The following FRAS1 variants were observed in gnomAD, a reference collection of about 807,000 sequenced individuals.
The protein encoded by FRAS1 is extracellular matrix organizing protein FRAS1.
In FRAS1, 290 loss-of-function variants were observed where a neutral mutation model predicts 435.2. That is an observed-to-expected ratio of 0.67 (90% CI 0.61 to 0.73). The LOEUF (loss-of-function observed/expected upper bound fraction) is 0.73. FRAS1 is among the 30% of genes least tolerant of loss of function. The probability of loss-of-function intolerance (pLI) is 0.00; values close to 1 mark genes in which losing one functional copy is unlikely to be tolerated. For synonymous variants in FRAS1, 1,800 were observed against 1,851.0 expected, an observed-to-expected ratio of 0.97 and a Z score of 0.71; for missense variants, 4,860 against 5,001.5, an observed-to-expected ratio of 0.97 and a Z score of 0.85.
At chr4:78,194,567 C>T (rs1340586397) in intron 2 of FRAS1, among the ~76,000 whole-genome samples, 5 of 152,210 alleles carry the variant, frequency 3.3e-5, no homozygotes, top group East Asian at 1.9e-4. Context: ...ATCGAATTGG[C>T]GACTGAGGCT....
In FRAS1 at chr4:78,363,942, A is replaced by T. The variant is rs1170801431; in HGVS notation, c.2610A>T (p.Arg870Ser). 1 of 1,613,422 alleles carries T rather than the reference A, an allele frequency of 6.2e-7. No individual in the cohort carries two copies. Among genetic ancestry groups the T allele is most frequent in the Non-Finnish European group, 8.5e-7 (1 of 1,179,722 alleles). Reference protein sequence around the residue: ...CHSSCRTCQGRGPFSCSSCDT... With the variant: ...CHSSCRTCQGSGPFSCSSCDT... ...CCTCCTGCAGAACCTGCCAGGGCAG[A>T]GGACCTTTCTCCTGCTCCTCATGTG... is the stretch of plus-strand genomic sequence containing the variant. The change falls in exon 22 of 74, where the codon AGA becomes AGT. Residue 870 changes from arginine to serine, a missense_variant. Arg to Ser is a moderately radical substitution (Grantham distance 110). Transcript: ENST00000512123.
intron 2 of FRAS1, among the ~76,000 whole-genome samples, chr4:78,163,987 G>A (rs1721241605): frequency 6.6e-6 from 1 of 152,124 alleles, no homozygotes; most frequent in South Asian, 2.1e-4. Context: ...CCACCCACTG[G>A]CCCTGATAGT....
intron 14 of FRAS1, among the ~76,000 whole-genome samples, chr4:78,304,304 G>A (rs1728584894): frequency 6.6e-6 from 1 of 152,146 alleles, no homozygotes; most frequent in Admixed American, 6.5e-5. Context: ...CAAGGATATT[G>A]GTCTAAAATT....
At chr4:78,121,743 G>T (rs1719036128) in intron 2 of FRAS1, among the ~76,000 whole-genome samples, 1 of 152,142 alleles carries the variant, frequency 6.6e-6, no homozygotes, top group African/African-American at 2.4e-5. Flanking sequence ...CAGCTATGTT[G>T]TACCTATTTA....
At chr4:78,132,160 C>A (rs777417020) in intron 2 of FRAS1, among the ~76,000 whole-genome samples, 21 of 152,042 alleles carry the variant, frequency 1.4e-4, no homozygotes, top group Admixed American at 1.1e-3. Context: ...TTGCCAGGAA[C>A]CTGGTTCTTG....
In FRAS1 at chr4:78,306,213, A is replaced by G. The variant is rs1239709109; in HGVS notation, c.1535-1853A>G. ...GCCCCCACTCTCTTCTGGCTTGTAG[A>G]GTTTCGGCCAAGAGATCCGCTGTTA... On this transcript the variant is annotated intron_variant, in intron 14 of 73. Coordinates refer to ENST00000512123, the MANE Select transcript of FRAS1 (RefSeq NM_025074.7). 2.0e-5 allele frequency among the ~76,000 whole-genome samples: 3 copies of G among 151,816 alleles called. No homozygotes were observed. The East Asian group carries it at 5.8e-4, about 29-fold the overall frequency.
rs758242408 is a variant in FRAS1 at position 78,424,428 on chromosome 4, T to C, written c.4711+8T>C. 1.4e-6 allele frequency: 2 copies of C among 1,402,176 alleles called. No individual in the cohort carries two copies. Among genetic ancestry groups the C allele is most frequent in the Non-Finnish European group, 1.9e-6 (2 of 1,057,862 alleles). 86.9% of individuals were successfully genotyped at this position (1,402,176 alleles called of 1,614,324 possible). On this transcript the variant is annotated splice_region_variant and intron_variant, in intron 35 of 73. Coordinates refer to ENST00000512123, the MANE Select transcript of FRAS1 (RefSeq NM_025074.7). Reference sequence around the variant, plus strand: ...TGAAATTCCACTTCACAGGTAAAGATTCATCTAAATTTTACTAGAAAGTGA... The same window carrying C: ...TGAAATTCCACTTCACAGGTAAAGACTCATCTAAATTTTACTAGAAAGTGA...
intron 44 of FRAS1, among the ~76,000 whole-genome samples, chr4:78,448,902 A>G (rs78088605): frequency 0.026 from 3,938 of 152,262 alleles, 170 homozygotes; most frequent in African/African-American, 0.09. Flanking sequence ...CTTAATTAAG[A>G]AGTGGACCTT....
rs573917284 is a variant in FRAS1, at chr4:78,251,105, T to A, written c.310-1287T>A. 3.5e-4 allele frequency among the ~76,000 whole-genome samples: 53 copies of A among 152,366 alleles called. No individual in the cohort carries two copies. In the South Asian group the frequency reaches 9.9e-3, roughly 29 times the overall value. The stretch of plus-strand genomic sequence containing the variant: ...AAATCCTATCAATTTTCTTTTAAGT[T>A]CTTTCTTTGCTTTCATGTGTAGGCC... On this transcript the variant is annotated intron_variant, in intron 4 of 73. Transcript: ENST00000512123.
intron 15 of FRAS1, among the ~76,000 whole-genome samples, chr4:78,309,356 C>T (rs998591220): frequency 1.3e-5 from 2 of 152,176 alleles, no homozygotes; most frequent in Non-Finnish European, 2.9e-5. Flanking sequence ...AATGAATACA[C>T]CCCCAACTCA....
chr4:78,300,319 A>G (rs1267346926), intron 14 of FRAS1, among the ~76,000 whole-genome samples: 3 of 152,212 alleles, frequency 2.0e-5, no homozygotes, highest in African/African-American at 7.2e-5. Flanking sequence ...CTCATGTTCT[A>G]CATTTATAAA....
intron 14 of FRAS1, among the ~76,000 whole-genome samples, chr4:78,288,351 C>T (rs1727715892): frequency 6.6e-6 from 1 of 152,172 alleles, no homozygotes; most frequent in African/African-American, 2.4e-5. Flanking sequence ...CTAATTTCCC[C>T]TAGGTTTTAC....
intron 2 of FRAS1, among the ~76,000 whole-genome samples, chr4:78,152,410 A>G (rs750650889): frequency 4.6e-5 from 7 of 152,110 alleles, no homozygotes; most frequent in Non-Finnish European, 7.4e-5. Flanking sequence ...GTTTAGGGCC[A>G]CTGTCTGCTT....
intron 53 of FRAS1, among the ~76,000 whole-genome samples, chr4:78,473,851 T>C (rs1387509629): frequency 6.6e-6 from 1 of 152,162 alleles, no homozygotes; most frequent in Non-Finnish European, 1.5e-5. Context: ...GTCTCCACAG[T>C]GGCAAAGTAA....
Position 78,371,083 on chromosome 4 carries a change from G to GT in FRAS1, c.2869+1106dup, listed in dbSNP as rs1242709942. On this transcript the variant is annotated intron_variant, in intron 23 of 73. Coordinates refer to ENST00000512123, the MANE Select transcript of FRAS1 (RefSeq NM_025074.7). ...CTCGAGACCACAGAATTTTTTTTCTGTTTTTTTGTTTTTTTTTTTTTTTGC... is the reference window on the plus strand; with the variant it reads ...CTCGAGACCACAGAATTTTTTTTCTGTTTTTTTTGTTTTTTTTTTTTTTTGC... Among the ~76,000 whole-genome samples, 410 of 127,398 alleles carry GT rather than the reference G, an allele frequency of 3.2e-3. 7 individuals are homozygous for GT. Among genetic ancestry groups the GT allele is most frequent in the African/African-American group, 0.012 (373 of 31,472 alleles). The allele number at this position is 127,398 out of a possible 152,430, so 83.6% of individuals were successfully genotyped here.
intron 59 of FRAS1, among the ~76,000 whole-genome samples, chr4:78,495,532 T>C (rs1720486480): frequency 6.6e-6 from 1 of 152,158 alleles, no homozygotes; most frequent in Non-Finnish European, 1.5e-5. Context: ...TATGGGAATT[T>C]TACTGGTGAC....
At chr4:78,539,122 C>T (rs1275144887) in intron 72 of FRAS1, among the ~76,000 whole-genome samples, 172 bp from the exon 73 acceptor site, 1 of 152,036 alleles carries the variant, frequency 6.6e-6, no homozygotes, top group Non-Finnish European at 1.5e-5. Flanking sequence ...GGGACACAGC[C>T]AAACCATATC....
Position 78,293,474 on chromosome 4 carries a change from T to C in FRAS1, c.1534+6935T>C, listed in dbSNP as rs368030233. On this transcript the variant is annotated intron_variant, in intron 14 of 73. Transcript: ENST00000512123. Reference sequence around the variant, plus strand: ...CTTGTCAGCAATTTCTGGCTAGTGGTGGCCTCAGGATAATTACAGACTCTC... The same window carrying C: ...CTTGTCAGCAATTTCTGGCTAGTGGCGGCCTCAGGATAATTACAGACTCTC... 1.6e-3 allele frequency among the ~76,000 whole-genome samples: 251 copies of C among 152,344 alleles called. 2 individuals carry two copies. The highest frequency in any genetic ancestry group is 5.8e-3 in the African/African-American group (241 of 41,580).
intron 14 of FRAS1, among the ~76,000 whole-genome samples, chr4:78,305,238 A>C (rs1395134466): frequency 2.6e-5 from 4 of 151,780 alleles, no homozygotes; most frequent in African/African-American, 9.7e-5. Context: ...AGTTTGTTAT[A>C]ATTTCTGTTC....
Sources: gnomAD v4.1 joint callset for allele counts (sites outside exome capture counted in the v4.1 genomes callset) on GRCh38, gnomAD v4.1.1 for gene constraint, MANE v1.5 for transcripts, NCBI Gene and HGNC (gene_info 2026-07-23, HGNC 2026-07-21) for gene names.